Variants in ABCD3 observed in about 807,000 individuals in gnomAD.
ABCD3 encodes the protein ATP-binding cassette sub-family D member 3.
Under a neutral mutation model 105.5 loss-of-function variants are expected in ABCD3, and 41 were observed. That is an observed-to-expected ratio of 0.39 (90% CI 0.30 to 0.50). ABCD3 has a LOEUF of 0.50. Ranked by LOEUF, ABCD3 falls within the 20% of genes least tolerant of loss-of-function variation. ABCD3 has a pLI of 0.84. For synonymous variants in ABCD3, 258 were observed against 269.0 expected (o/e 0.96, Z 0.40); for missense variants, 622 against 806.3 (o/e 0.77, Z 2.77).
At chr1:94,406,260 C>T in the ABCD3 span, 2 of 153,076 alleles carry the variant, frequency 1.3e-5, no homozygotes, top group African/African-American at 4.9e-5. Context: ...CATTTCTGGA[C>T]TTTCCATTCT....
chr1:94,425,965 A>T (rs1261502306), intron 1 of ABCD3, among the ~76,000 whole-genome samples: 1 of 152,206 alleles, frequency 6.6e-6, no homozygotes, highest in Non-Finnish European at 1.5e-5. Context: ...GAACAGGGAT[A>T]GTAGTATTTA....
chr1:94,428,412 C>G (rs1659550421), intron 1 of ABCD3, among the ~76,000 whole-genome samples: 1 of 151,820 alleles, frequency 6.6e-6, no homozygotes, highest in African/African-American at 2.4e-5. Context: ...GGCAACTGCT[C>G]TAGGTAAATA....
Position 94,466,849 on chromosome 1 carries a change from G to T in ABCD3, c.247-1070G>T, listed in dbSNP as rs552585848. On this transcript the variant is annotated intron_variant, in intron 3 of 22. Coordinates refer to ENST00000370214, the MANE Select transcript of ABCD3 (RefSeq NM_002858.4). Reference sequence around the variant, plus strand: ...TGAGTCCCTGGGAATTAGTAAGGGAGGTAGAAGGGGCTAATTTGGCCAGCT... The same window carrying T: ...TGAGTCCCTGGGAATTAGTAAGGGATGTAGAAGGGGCTAATTTGGCCAGCT... Among the ~76,000 whole-genome samples, 6 of 152,266 alleles carry T rather than the reference G, an allele frequency of 3.9e-5. No individual in the cohort carries two copies. In the Middle Eastern group the frequency reaches 0.014, roughly 345 times the overall value.
At chr1:94,477,599 C>T (rs1203486018) in intron 7 of ABCD3, among the ~76,000 whole-genome samples, 2 of 151,844 alleles carry the variant, frequency 1.3e-5, no homozygotes, top group Non-Finnish European at 2.9e-5. Context: ...GAGGTGCAAG[C>T]AGTGGCTGTT....
chr1:94,408,463 G>A, the ABCD3 span, among the ~76,000 whole-genome samples: 19 of 151,868 alleles, frequency 1.3e-4, no homozygotes, highest in Admixed American at 1.2e-3. Context: ...GCGTAGTGGC[G>A]GGTGCCTGTA....
intron 10 of ABCD3, among the ~76,000 whole-genome samples, chr1:94,485,301 G>C (rs1278345561): frequency 6.6e-6 from 1 of 152,154 alleles, no homozygotes; most frequent in Non-Finnish European, 1.5e-5. Flanking sequence ...GATGATGGTG[G>C]TGGACATGAT....
chr1:94,474,310 A>G (rs1648625692), intron 5 of ABCD3, among the ~76,000 whole-genome samples: 1 of 152,000 alleles, frequency 6.6e-6, no homozygotes, highest in Non-Finnish European at 1.5e-5. Flanking sequence ...TATTACAGTA[A>G]CTTGAACTAC....
the ABCD3 span, among the ~76,000 whole-genome samples, chr1:94,411,125 T>C: frequency 1.8e-3 from 278 of 152,220 alleles, no homozygotes; most frequent in Non-Finnish European, 3.3e-3. Flanking sequence ...AAAAAATAGA[T>C]AAATTGGACT....
At chr1:94,390,865 T>C in the ABCD3 span, among the ~76,000 whole-genome samples, 1 of 152,154 alleles carries the variant, frequency 6.6e-6, no homozygotes, top group Non-Finnish European at 1.5e-5. Flanking sequence ...TTATGAGACA[T>C]ACTTGAGCTA....
In ABCD3 at chr1:94,487,796, A is replaced by G. The variant is rs1441714300; in HGVS notation, c.1065+5A>G. 1.2e-6 allele frequency: 2 copies of G among 1,613,332 alleles called. No homozygotes were observed. The highest frequency in any genetic ancestry group is 1.7e-6 in the Non-Finnish European group (2 of 1,179,360). ...ACACATTCGGAACTTCTAGAGGTAAACTGATGATAATACAATGAAAATGTA... is the reference window on the plus strand; with the variant it reads ...ACACATTCGGAACTTCTAGAGGTAAGCTGATGATAATACAATGAAAATGTA... On this transcript the variant is annotated splice_donor_5th_base_variant and intron_variant, in intron 12 of 22. Coordinates refer to ENST00000370214, the MANE Select transcript of ABCD3 (RefSeq NM_002858.4).
At chr1:94,441,956 T>G (rs1479965903) in intron 1 of ABCD3, among the ~76,000 whole-genome samples, 1 of 152,206 alleles carries the variant, frequency 6.6e-6, no homozygotes. Context: ...AGTTTTAGTA[T>G]TCTATCCATG....
chr1:94,470,883 CT>C (rs1480671048), intron 4 of ABCD3, among the ~76,000 whole-genome samples: 1 of 151,946 alleles, frequency 6.6e-6, no homozygotes, highest in Non-Finnish European at 1.5e-5. Context: ...AGCAATCATT[CT>C]TTTAAGTATG....
chr1:94,492,892 T>G (rs1649601270), intron 16 of ABCD3, among the ~76,000 whole-genome samples: 1 of 152,196 alleles, frequency 6.6e-6, no homozygotes, highest in Non-Finnish European at 1.5e-5. Context: ...AAGCTGTCAC[T>G]TTCTTTTTAG....
rs1649460006 is a variant in ABCD3 at position 94,490,085 on chromosome 1, T to TA, written c.1322+116dup. The TA allele has an allele frequency of 9.6e-6, 10 of 1,043,626 alleles. No individual in the cohort carries two copies. In the Admixed American group the frequency reaches 1.8e-4, roughly 19 times the overall value. The allele number at this position is 1,043,626 out of a possible 1,614,324, so 64.6% of individuals were successfully genotyped here. A position where few individuals can be genotyped will look rare whatever the true frequency, so the allele number is the denominator to read the frequency against. The stretch of plus-strand genomic sequence containing the variant: ...GTGTTTAAAATTATTTCTGCTTTTT[T>TA]AAAAAACAGCTTAGAGGTATCATTG... On this transcript the variant is annotated intron_variant, in intron 15 of 22. Coordinates refer to ENST00000370214, the MANE Select transcript of ABCD3 (RefSeq NM_002858.4).
At chr1:94,437,815 A>G (rs1659961326) in intron 1 of ABCD3, among the ~76,000 whole-genome samples, 1 of 152,254 alleles carries the variant, frequency 6.6e-6, no homozygotes, top group African/African-American at 2.4e-5. Context: ...TTTGTGGTTC[A>G]TAGAAGAAGG....
rs375830320 is a variant in ABCD3 at position 94,487,544 on chromosome 1, G to A, written c.900G>A (p.Val300=). Residue 300 remains valine, a splice_region_variant and synonymous_variant, in exon 11 of 23, where the codon GTG becomes GTA. Coordinates refer to ENST00000370214, the MANE Select transcript of ABCD3 (RefSeq NM_002858.4). ...TTTTTGTTTTTGTTTTCTGCCAGGT[G>A]GAACACCTACATAATTTCATTTTGT... ...QTVHSVFRKL[V]EHLHNFILFR... 1 of 1,613,172 alleles carries A rather than the reference G, an allele frequency of 6.2e-7. No individual in the cohort carries two copies. The highest frequency in any genetic ancestry group is 1.3e-5 in the African/African-American group (1 of 74,838).
chr1:94,496,067 TTTTC>T (rs1649782809), intron 16 of ABCD3, among the ~76,000 whole-genome samples: 1 of 152,240 alleles, frequency 6.6e-6, no homozygotes, highest in Non-Finnish European at 1.5e-5. Context: ...CTTCATTCTT[TTTTC>T]TTTAAGAAGT....
intron 21 of ABCD3, among the ~76,000 whole-genome samples, chr1:94,509,423 A>G (rs1325714706): frequency 6.6e-6 from 1 of 152,204 alleles, no homozygotes; most frequent in Non-Finnish European, 1.5e-5. Flanking sequence ...ATCAATGTTC[A>G]TCAAGGATAT....
chr1:94,487,441 A>G (rs746878442), intron 10 of ABCD3, 101 bp from the exon 11 acceptor site: 213 of 1,033,648 alleles, frequency 2.1e-4, no homozygotes, highest in Non-Finnish European at 2.9e-4. Flanking sequence ...CTCAGTAAAT[A>G]TTTGTTGAAT....
Sources: gnomAD v4.1 joint callset for allele counts (sites outside exome capture counted in the v4.1 genomes callset) on GRCh38, gnomAD v4.1.1 for gene constraint, MANE v1.5 for transcripts, NCBI Gene and HGNC (gene_info 2026-07-23, HGNC 2026-07-21) for gene names.